The following MON2 variants were observed in gnomAD, a reference collection of about 807,000 sequenced individuals.
MON2 encodes the protein MON2 regulator of endosome-to-Golgi trafficking.
Under a neutral mutation model 208.6 loss-of-function variants are expected in MON2, and 84 were observed. The ratio of observed to expected loss-of-function variants is 0.40; its 90% CI spans 0.34 to 0.48. The LOEUF (loss-of-function observed/expected upper bound fraction) is 0.48, where lower values mean the gene tolerates loss of function less well. Ranked by LOEUF, MON2 falls within the 20% of genes least tolerant of loss-of-function variation. MON2 has a pLI of 0.59. For missense variants in MON2, 1,611 were observed against 2,015.4 expected (o/e 0.80, Z 3.84); for synonymous variants, 660 against 694.0 (o/e 0.95, Z 0.77).
intron 19 of MON2, among the ~76,000 whole-genome samples, chr12:62,541,065 A>G (rs2073209072): frequency 6.6e-6 from 1 of 152,172 alleles, no homozygotes. Context: ...ATTTGTGCCA[A>G]TGTGTTGAGG....
At chr12:62,494,738 T>C (rs2070377509) in intron 3 of MON2, among the ~76,000 whole-genome samples, 1 of 152,238 alleles carries the variant, frequency 6.6e-6, no homozygotes, top group Admixed American at 6.5e-5. Context: ...AACATTATTG[T>C]AGAAATGAGC....
intron 34 of MON2, among the ~76,000 whole-genome samples, chr12:62,589,227 C>CT (rs1165867683): frequency 1.3e-5 from 2 of 151,938 alleles, no homozygotes; most frequent in Non-Finnish European, 2.9e-5. Context: ...GTTCAGCTGA[C>CT]TTTTTTTTAT....
In MON2 at chr12:62,484,230, G is replaced by A; in HGVS notation, c.172G>A (p.Ala58Thr). The change falls in exon 2 of 35, where the codon GCA (alanine) becomes ACA (threonine). Residue 58 changes from alanine (A) to threonine (T), a missense_variant. Transcript: ENST00000393630. ...TGCTGCACGAAACACTGAAATTTTG[G>A]CAGGTAATTTTTTGTATTAAAAATT... is the stretch of plus-strand genomic sequence containing the variant. ...TIAARNTEILAALKENSSEVV... is the reference protein window; with the variant it reads ...TIAARNTEILTALKENSSEVV... 1 of 1,593,544 alleles carries A rather than the reference G, an allele frequency of 6.3e-7. No homozygotes were observed. Among genetic ancestry groups the A allele is most frequent in the Non-Finnish European group, 8.5e-7 (1 of 1,169,686 alleles).
At chr12:62,534,688 T>C (rs2072882237) in intron 12 of MON2, among the ~76,000 whole-genome samples, 157 bp from the exon 13 acceptor site, 1 of 149,816 alleles carries the variant, frequency 6.7e-6, no homozygotes, top group South Asian at 2.1e-4. Flanking sequence ...GAGTTTTCGT[T>C]CTTTTAGATT....
chr12:62,509,874 TG>T (rs2071304092), intron 8 of MON2, among the ~76,000 whole-genome samples: 1 of 126,214 alleles, frequency 7.9e-6, no homozygotes, highest in Non-Finnish European at 1.7e-5. Flanking sequence ...CAATGCAAGT[TG>T]TTTTTTTTTT....
chr12:62,590,711 T>A (rs552510510), intron 34 of MON2, among the ~76,000 whole-genome samples: 1 of 152,294 alleles, frequency 6.6e-6, no homozygotes, highest in East Asian at 1.9e-4. Flanking sequence ...GACAGAGTCT[T>A]GTTCTGTTGC....
chr12:62,554,130 T>C (rs1327776660), intron 24 of MON2, among the ~76,000 whole-genome samples: 1 of 152,252 alleles, frequency 6.6e-6, no homozygotes, highest in Non-Finnish European at 1.5e-5. Flanking sequence ...TTTAATCTAA[T>C]ACTTTTCTGA....
chr12:62,518,147 C>G (rs1385655245), intron 8 of MON2, among the ~76,000 whole-genome samples: 2 of 152,142 alleles, frequency 1.3e-5, no homozygotes, highest in African/African-American at 2.4e-5. Context: ...AGAAGCCTCT[C>G]AAGTATCTTC....
In MON2 at chr12:62,508,292, G is replaced by T. The variant is rs1384114285; in HGVS notation, c.796G>T (p.Glu266Ter). 2.5e-6 allele frequency: 4 copies of T among 1,609,536 alleles called. No homozygotes were observed. Among genetic ancestry groups the T allele is most frequent in the Non-Finnish European group, 3.4e-6 (4 of 1,177,844 alleles). The change falls in exon 8 of 35, where the codon GAA becomes TAA. Residue 266 changes from glutamate to a stop codon, truncating the protein, a stop_gained. Coordinates refer to ENST00000393630, the MANE Select transcript of MON2 (RefSeq NM_015026.3). LOFTEE classifies it high-confidence loss of function. Reference protein sequence around the residue: ...DFPQVFLQHQEFSFLLKERVC... With the variant: ...DFPQVFLQHQ ...CTTTTTTCCTTGCAAATAGCACCAA[G>T]AATTTAGTTTCCTCCTCAAAGAAAG...
intron 32 of MON2, among the ~76,000 whole-genome samples, chr12:62,583,381 T>TGA (rs1463262214): frequency 6.2e-5 from 8 of 128,582 alleles, no homozygotes; most frequent in African/African-American, 2.5e-4. Flanking sequence ...ACTAAAGATG[T>TGA]AGAGTTCAGT....
chr12:62,571,341 T>A, intron 29 of MON2, 51 bp from the exon 30 acceptor site: 1 of 1,250,372 alleles, frequency 8.0e-7, no homozygotes, highest in South Asian at 1.9e-5. Flanking sequence ...TAATTAAAAT[T>A]GTGTGTGTAT....
chr12:62,547,295 A>G (rs2073531737), intron 22 of MON2, among the ~76,000 whole-genome samples: 1 of 152,124 alleles, frequency 6.6e-6, no homozygotes, highest in African/African-American at 2.4e-5. Context: ...TTTAGGGATC[A>G]CCTTTGGTTT....
intron 8 of MON2, among the ~76,000 whole-genome samples, chr12:62,524,097 T>A (rs2136184924): frequency 6.6e-6 from 1 of 152,286 alleles, no homozygotes; most frequent in Non-Finnish European, 1.5e-5. Flanking sequence ...ACCCTTTGGC[T>A]TGCCTCTTTG....
At chr12:62,576,037 ATG>A in intron 30 of MON2, among the ~76,000 whole-genome samples, 1 of 152,340 alleles carries the variant, frequency 6.6e-6, no homozygotes, top group Admixed American at 6.5e-5. Context: ...GTGAAATTGA[ATG>A]TAATATATTC....
chr12:62,544,054 G>C (rs530624450), intron 20 of MON2, among the ~76,000 whole-genome samples: 6 of 152,316 alleles, frequency 3.9e-5, no homozygotes, highest in Non-Finnish European at 8.8e-5. Flanking sequence ...TTAAAAACAA[G>C]CTGCTTCTGC....
chr12:62,505,741 C>G (rs560403273), intron 7 of MON2, among the ~76,000 whole-genome samples: 26 of 148,088 alleles, frequency 1.8e-4, no homozygotes, highest in Non-Finnish European at 3.9e-4. Flanking sequence ...AAAAAAAAAT[C>G]AGCTGGGCCT....
At chr12:62,535,769 G>C in intron 14 of MON2, 60 bp downstream of exon 14, 2 of 1,292,286 alleles carry the variant, frequency 1.5e-6, no homozygotes, top group Non-Finnish European at 2.1e-6. Flanking sequence ...GTAGACAGAA[G>C]ATTATAAACA....
chr12:62,587,578 T>TAAAAAAAA (rs559589798), intron 33 of MON2, among the ~76,000 whole-genome samples: 5 of 141,040 alleles, frequency 3.5e-5, no homozygotes, highest in Non-Finnish European at 6.2e-5. Flanking sequence ...GTTTCTACTT[T>TAAAAAAAA]AAAAAAAAAA....
intron 8 of MON2, among the ~76,000 whole-genome samples, chr12:62,509,943 A>G (rs1428472160): frequency 6.6e-6 from 1 of 152,140 alleles, no homozygotes; most frequent in African/African-American, 2.4e-5. Context: ...AAATACTCAA[A>G]TAACTAAAAT....
Sources: gnomAD v4.1 joint callset for allele counts (sites outside exome capture counted in the v4.1 genomes callset) on GRCh38, gnomAD v4.1.1 for gene constraint, MANE v1.5 for transcripts, NCBI Gene and HGNC (gene_info 2026-07-23, HGNC 2026-07-21) for gene names.